SLC16A10: variants seen among roughly 807,000 people sequenced by gnomAD.
SLC16A10 encodes the protein solute carrier family 16 member 10.
Under a neutral mutation model 40.0 loss-of-function variants are expected in SLC16A10, and 27 were observed. That is an observed-to-expected ratio of 0.67 (90% CI 0.50 to 0.93). The LOEUF (loss-of-function observed/expected upper bound fraction) is 0.93, where lower values mean the gene tolerates loss of function less well. Among genes scored for constraint, SLC16A10 ranks in the 40% least tolerant of loss-of-function variants. The probability of loss-of-function intolerance (pLI) is 0.00; values close to 1 mark genes in which losing one functional copy is unlikely to be tolerated. For synonymous variants in SLC16A10, 213 were observed against 249.8 expected, an observed-to-expected ratio of 0.85 and a Z score of 1.39; for missense variants, 529 against 658.2, an observed-to-expected ratio of 0.80 and a Z score of 2.15.
At chr6:111,136,521 A>G (rs1771880292) in intron 1 of SLC16A10, among the ~76,000 whole-genome samples, 1 of 152,234 alleles carries the variant, frequency 6.6e-6, no homozygotes, top group African/African-American at 2.4e-5. Context: ...CTTAAATATC[A>G]GGCTCTATTA....
At chr6:111,212,706 T>C (rs948411850) in intron 4 of SLC16A10, among the ~76,000 whole-genome samples, 5 of 151,836 alleles carry the variant, frequency 3.3e-5, no homozygotes, top group Non-Finnish European at 7.4e-5. Flanking sequence ...GATGGGAAGA[T>C]TGCTTGAGCT....
At chr6:111,167,461 A>T (rs1005223846) in intron 1 of SLC16A10, among the ~76,000 whole-genome samples, 5 of 152,110 alleles carry the variant, frequency 3.3e-5, no homozygotes, top group Non-Finnish European at 5.9e-5. Context: ...CCTAGTGGGC[A>T]TGAGTTCTGA....
chr6:111,127,661 T>G (rs1196662135), intron 1 of SLC16A10, among the ~76,000 whole-genome samples: 3 of 152,224 alleles, frequency 2.0e-5, no homozygotes, highest in Non-Finnish European at 4.4e-5. Context: ...CTTGCTGGTG[T>G]ACTCCTAATC....
At position 111,106,951 on chromosome 6, in the gene SLC16A10, A is replaced by G. The variant is rs376921008; in HGVS notation, c.343+18856A>G. Among the ~76,000 whole-genome samples the G allele has an allele frequency of 3.3e-4, 51 of 152,316 alleles. No homozygotes were observed. In the East Asian group the frequency reaches 4.2e-3, roughly 13 times the overall value. ...GCACCCTGTGTATGCATTTTCAGTT[A>G]CTAGAATTAGGTAAGTTAGTGTTAT... On this transcript the variant is annotated intron_variant, in intron 1 of 5. Coordinates refer to ENST00000368851, the MANE Select transcript of SLC16A10 (RefSeq NM_018593.5).
At chr6:111,090,993 T>A (rs1448951911) in intron 1 of SLC16A10, among the ~76,000 whole-genome samples, 1 of 152,156 alleles carries the variant, frequency 6.6e-6, no homozygotes, top group African/African-American at 2.4e-5. Context: ...GGTCTCCAAA[T>A]GATGGTGCGC....
At chr6:111,220,554 A>G (rs1770870454) in intron 5 of SLC16A10, among the ~76,000 whole-genome samples, 1 of 152,236 alleles carries the variant, frequency 6.6e-6, no homozygotes, top group East Asian at 1.9e-4. Context: ...ATTCCTAGTC[A>G]TGAATCAAGC....
At chr6:111,097,234 G>A (rs1771089891) in intron 1 of SLC16A10, among the ~76,000 whole-genome samples, 1 of 152,214 alleles carries the variant, frequency 6.6e-6, no homozygotes, top group East Asian at 1.9e-4. Flanking sequence ...CCTTGTGAGT[G>A]GCAGAAGACA....
chr6:111,126,718 C>T (rs897041973), intron 1 of SLC16A10, among the ~76,000 whole-genome samples: 1 of 152,134 alleles, frequency 6.6e-6, no homozygotes, highest in African/African-American at 2.4e-5. Context: ...TAATATATTA[C>T]AAATGAAGAA....
chr6:111,088,148 G>A (rs1483081350), intron 1 of SLC16A10, 53 bp downstream of exon 1: 11 of 1,549,048 alleles, frequency 7.1e-6, no homozygotes, highest in Non-Finnish European at 9.6e-6. Context: ...TGGGGCCCCC[G>A]AGCGCATCCC....
At chr6:111,196,031 C>A (rs2114571977) in intron 3 of SLC16A10, among the ~76,000 whole-genome samples, 1 of 148,788 alleles carries the variant, frequency 6.7e-6, no homozygotes, top group African/African-American at 2.5e-5. Flanking sequence ...CTGGCCTGGG[C>A]AGCATAGTGA....
chr6:111,167,860 A>G (rs1772506768), intron 1 of SLC16A10, among the ~76,000 whole-genome samples: 2 of 151,940 alleles, frequency 1.3e-5, no homozygotes, highest in African/African-American at 4.8e-5. Flanking sequence ...TTTTTTGTAC[A>G]GATGGGGTCT....
At chr6:111,101,599 T>G (rs1178537274) in intron 1 of SLC16A10, among the ~76,000 whole-genome samples, 1 of 152,156 alleles carries the variant, frequency 6.6e-6, no homozygotes. Context: ...GGTTTGGGTT[T>G]TCAGATTTGC....
At chr6:111,180,655 TAA>T (rs1460414428) in intron 3 of SLC16A10, among the ~76,000 whole-genome samples, 1 of 151,736 alleles carries the variant, frequency 6.6e-6, no homozygotes, top group East Asian at 1.9e-4. Flanking sequence ...GGTGAAGAAA[TAA>T]AGAGCCAGAT....
intron 1 of SLC16A10, among the ~76,000 whole-genome samples, chr6:111,168,875 G>T (rs1046838289): frequency 6.6e-6 from 1 of 152,126 alleles, no homozygotes; most frequent in Non-Finnish European, 1.5e-5. Flanking sequence ...ATTTTATGAG[G>T]ACTCTTGAGA....
chr6:111,186,938 G>T (rs1046950712), intron 3 of SLC16A10, among the ~76,000 whole-genome samples: 6 of 152,076 alleles, frequency 3.9e-5, no homozygotes, highest in Non-Finnish European at 5.9e-5. Context: ...TTGCAAACAT[G>T]GAATCCCTAT....
At chr6:111,178,704 C>T (rs1341762350) in intron 3 of SLC16A10, 1 of 213,902 alleles carries the variant, frequency 4.7e-6, no homozygotes, top group Non-Finnish European at 9.3e-6. Context: ...ATGGCATTGG[C>T]ACACATATTT....
chr6:111,140,878 C>T (rs942433226), intron 1 of SLC16A10, among the ~76,000 whole-genome samples: 4 of 152,064 alleles, frequency 2.6e-5, no homozygotes, highest in Admixed American at 6.5e-5. Context: ...CTCAACTTCC[C>T]GGGCTCCAGT....
At position 111,225,638 on chromosome 6, in the gene SLC16A10, G is replaced by T. The variant is rs1402624683; in HGVS notation, c.*3403G>T. On this transcript the variant is annotated 3_prime_UTR_variant, in exon 6 of 6. Coordinates refer to ENST00000368851, the MANE Select transcript of SLC16A10 (RefSeq NM_018593.5). ...TTCTAATCCTTTTAGCTGCATTTAA[G>T]AATATTTTAATTTATACGAATGTTA... 2.6e-5 allele frequency: 4 copies of T among 151,108 alleles called. No homozygotes were observed. The highest frequency in any genetic ancestry group is 5.9e-5 in the Non-Finnish European group (4 of 67,898). 9.4% of individuals were successfully genotyped at this position (151,108 alleles called of 1,614,324 possible).
chr6:111,172,336 A>G (rs1772600407), intron 1 of SLC16A10, among the ~76,000 whole-genome samples: 6 of 152,166 alleles, frequency 3.9e-5, no homozygotes, highest in Admixed American at 3.9e-4. Context: ...GCACAGAATT[A>G]TGATTATTTG....
Sources: allele counts gnomAD v4.1 joint callset (sites outside exome capture counted in the v4.1 genomes callset), GRCh38; gene constraint gnomAD v4.1.1; transcripts MANE v1.5; gene names NCBI Gene and HGNC (gene_info 2026-07-23, HGNC 2026-07-21).